GRK2: variants seen among roughly 807,000 people sequenced by gnomAD.
GRK2 encodes the protein adrenergic beta receptor kinase 1.
In GRK2, 23 loss-of-function variants were observed where a neutral mutation model predicts 97.8. That is an observed-to-expected ratio of 0.24 (90% confidence interval 0.17 to 0.33). GRK2 has a LOEUF of 0.33. Among genes scored for constraint, GRK2 ranks in the 10% least tolerant of loss-of-function variants. GRK2 has a pLI of 1.00. For synonymous variants in GRK2, 425 were observed against 381.7 expected (o/e 1.11, Z -1.32); for missense variants, 633 against 956.9 (o/e 0.66, Z 4.47).
chr11:67,283,122 C>T lies in GRK2; in HGVS notation c.1228-6C>T, dbSNP rs1290993913. ...GCCCCTGCTAATGTCCCACTCCTCT[C>T]TAAAGGCCGTGGAGCTGCCCGACTC... On this transcript the variant is annotated splice_polypyrimidine_tract_variant and splice_region_variant and intron_variant, in intron 14 of 20. Coordinates refer to ENST00000308595, the MANE Select transcript of GRK2 (RefSeq NM_001619.5). 1 of 1,613,592 alleles carries T rather than the reference C, an allele frequency of 6.2e-7. No homozygotes were observed. The highest frequency in any genetic ancestry group is 8.5e-7 in the Non-Finnish European group (1 of 1,179,802).
intron 6 of GRK2, 105 bp downstream of exon 6, chr11:67,280,005 C>A: frequency 8.2e-7 from 1 of 1,212,594 alleles, no homozygotes; most frequent in Non-Finnish European, 1.2e-6. Context: ...AGGCCCTGAG[C>A]AGGCAGGTGG....
Position 67,286,196 on chromosome 11 carries a change from C to T in GRK2, c.*746C>T. 1 of 548,648 alleles carries T rather than the reference C, an allele frequency of 1.8e-6. No individual in the cohort carries two copies. The highest frequency in any genetic ancestry group is 3.2e-6 in the Non-Finnish European group (1 of 312,944). The allele number at this position is 548,648 out of a possible 1,614,324, so 34.0% of individuals were successfully genotyped here. ...CGCCTGGCCTGAGGTCTCGCTGATG[C>T]TGGGCTGGGTGCGACCCCATCTGCC... On this transcript the variant is annotated 3_prime_UTR_variant, in exon 21 of 21. Coordinates refer to ENST00000308595, the MANE Select transcript of GRK2 (RefSeq NM_001619.5).
At chr11:67,284,512 T>C in intron 18 of GRK2, 139 bp downstream of exon 18, 1 of 1,056,470 alleles carries the variant, frequency 9.5e-7, no homozygotes, top group East Asian at 2.6e-5. Flanking sequence ...GGGCCGGGCA[T>C]GGTGGCTCAC....
In GRK2 at chr11:67,281,256, T is replaced by C; in HGVS notation, c.647+72T>C. ...CCTGGGGGACCCTGACAGGCCGGGT[T>C]CCACACAGGGCCACCTGCTGCTCCA... On this transcript the variant is annotated intron_variant, in intron 8 of 20. Transcript: ENST00000308595. The surrounding 1 kb of genome is among the most constrained non-coding windows in gnomAD (Gnocchi z 5.7). 1.4e-6 allele frequency: 2 copies of C among 1,395,472 alleles called. No individual in the cohort carries two copies. The highest frequency in any genetic ancestry group is 2.4e-5 in the South Asian group (2 of 82,100). The allele number at this position is 1,395,472 out of a possible 1,614,324, so 86.4% of individuals were successfully genotyped here. A position where few individuals can be genotyped will look rare whatever the true frequency, so the allele number is the denominator to read the frequency against.
At position 67,279,121 on chromosome 11, in the gene GRK2, G is replaced by C; in HGVS notation, c.191-79G>C. On this transcript the variant is annotated intron_variant, in intron 2 of 20. Coordinates refer to ENST00000308595, the MANE Select transcript of GRK2 (RefSeq NM_001619.5). ...CTCCATAGCCAGTTCTGCCCAGGGA[G>C]CCCAACCCACACCATCCACAATGAT... The C allele has an allele frequency of 2.3e-6, 3 of 1,289,780 alleles. No individual in the cohort carries two copies. The South Asian group carries it at 3.6e-5, about 15-fold the overall frequency. 79.9% of individuals were successfully genotyped at this position (1,289,780 alleles called of 1,614,324 possible).
chr11:67,281,547 G>A lies in GRK2; in HGVS notation c.736G>A (p.Val246Ile), dbSNP rs770458416. Reference protein sequence around the residue: ...ALNERIMLSLVSTGDCPFIVC... With the variant: ...ALNERIMLSLISTGDCPFIVC... ...GAACGAGCGCATCATGCTCTCGCTCGTCAGCACTGGGGTGAGCTGGGTGGG... is the reference window on the plus strand; with the variant it reads ...GAACGAGCGCATCATGCTCTCGCTCATCAGCACTGGGGTGAGCTGGGTGGG... The change falls in exon 9 of 21, where the codon GTC becomes ATC. Residue 246 changes from valine (V) to isoleucine (I), a missense_variant. Around this residue, in one of 4 missense-constraint regions of GRK2, gnomAD observed 192 missense variants for 362.3 expected, o/e 0.53. Transcript: ENST00000308595. The surrounding 1 kb of genome is among the most constrained non-coding windows in gnomAD (Gnocchi z 5.7). 2.7e-5 allele frequency: 44 copies of A among 1,613,402 alleles called. No individual in the cohort carries two copies. Among genetic ancestry groups the A allele is most frequent in the Middle Eastern group, 1.6e-4 (1 of 6,062 alleles).
rs776500543 is a variant in GRK2, at chr11:67,281,146, C to T, written c.609C>T (p.Gly203=). The T allele has an allele frequency of 7.4e-6, 12 of 1,613,324 alleles. No homozygotes were observed. Among genetic ancestry groups the T allele is most frequent in the Admixed American group, 1.7e-5 (1 of 59,976 alleles). ...VHRIIGRGGF[G]EVYGCRKADT... ...GCATCATTGGGCGCGGGGGCTTTGG[C>T]GAGGTCTATGGGTGCCGGAAGGCTG... is the stretch of plus-strand genomic sequence containing the variant. Residue 203 remains glycine (G), a synonymous_variant, in exon 8 of 21, where the codon GGC becomes GGT. Coordinates refer to ENST00000308595, the MANE Select transcript of GRK2 (RefSeq NM_001619.5). The surrounding 1 kb of genome is among the most constrained non-coding windows in gnomAD (Gnocchi z 5.7).
intron 6 of GRK2, 189 bp downstream of exon 6, chr11:67,280,089 C>T: frequency 1.6e-6 from 1 of 622,202 alleles, no homozygotes; most frequent in Non-Finnish European, 2.9e-6. Context: ...CCACCCTGCC[C>T]TCCTCAGCAC....
chr11:67,286,005 A>G lies in GRK2; in HGVS notation c.*555A>G, dbSNP rs1860273035. On this transcript the variant is annotated 3_prime_UTR_variant, in exon 21 of 21. Coordinates refer to ENST00000308595, the MANE Select transcript of GRK2 (RefSeq NM_001619.5). ...CTTATTCAGGAAAAGCCTCTGTGTC[A>G]CTGGCTGCCTCCACTCCCACTTCCC... The G allele has an allele frequency of 3.7e-6, 1 of 269,992 alleles. No individual in the cohort carries two copies. Among genetic ancestry groups the G allele is most frequent in the African/African-American group, 2.3e-5 (1 of 43,334 alleles). 16.7% of individuals were successfully genotyped at this position (269,992 alleles called of 1,614,324 possible). A position where few individuals can be genotyped will look rare whatever the true frequency, so the allele number is the denominator to read the frequency against.
intron 1 of GRK2, among the ~76,000 whole-genome samples, chr11:67,268,657 G>A (rs1054000548): frequency 1.1e-4 from 16 of 152,280 alleles, no homozygotes; most frequent in Admixed American, 2.6e-4. Flanking sequence ...ATGGGGCGCC[G>A]CCTTGGCTCT....
intron 15 of GRK2, 129 bp downstream of exon 15, chr11:67,283,357 C>G: frequency 1.2e-6 from 1 of 810,084 alleles, no homozygotes. Context: ...GGGGCATGGC[C>G]AGCCCTGTCC....
At position 67,285,185 on chromosome 11, in the gene GRK2, C is replaced by T. The variant is rs765999418; in HGVS notation, c.1902C>T (p.Cys634=). The change falls in exon 20 of 21, where the codon TGC becomes TGT. Residue 634 remains cysteine, a synonymous_variant. Coordinates refer to ENST00000308595, the MANE Select transcript of GRK2 (RefSeq NM_001619.5). ...GTGGGAAACAGTTCATTTTGCAGTG[C>T]GATGTGAGTGGGGGCTGAGCCAGGG... The part of the protein sequence containing the change: ...IRGGKQFILQ[C]DSDPELVQWK... The T allele has an allele frequency of 7.4e-6, 12 of 1,613,400 alleles. No homozygotes were observed. Among genetic ancestry groups the T allele is most frequent in the East Asian group, 2.2e-5 (1 of 44,878 alleles).
At chr11:67,275,521 C>T (rs1483385707) in intron 1 of GRK2, among the ~76,000 whole-genome samples, 1 of 146,134 alleles carries the variant, frequency 6.8e-6, no homozygotes, top group African/African-American at 2.5e-5. Context: ...GCCTGGGCTT[C>T]CTCCGCGTGG....
chr11:67,271,608 AT>A (rs1565062347), intron 1 of GRK2, among the ~76,000 whole-genome samples: 1 of 152,238 alleles, frequency 6.6e-6, no homozygotes, highest in African/African-American at 2.4e-5. Flanking sequence ...AAGCCGTGAC[AT>A]TTGACAAGGC....
rs1379764488 is a variant in GRK2 at position 67,281,655 on chromosome 11, C to T, written c.753C>T (p.Cys251=). The T allele has an allele frequency of 6.2e-7, 1 of 1,605,598 alleles. No individual in the cohort carries two copies. Among genetic ancestry groups the T allele is most frequent in the Middle Eastern group, 1.7e-4 (1 of 6,036 alleles). ...IMLSLVSTGD[C]PFIVCMSYAF... Reference sequence around the variant, plus strand: ...CCCCTCCTCTCCCCTCCTAGGACTGCCCATTCATTGTCTGCATGTCATACG... The same window carrying T: ...CCCCTCCTCTCCCCTCCTAGGACTGTCCATTCATTGTCTGCATGTCATACG... The change falls in exon 10 of 21, where the codon TGC becomes TGT. Residue 251 remains cysteine (C), a synonymous_variant. Coordinates refer to ENST00000308595, the MANE Select transcript of GRK2 (RefSeq NM_001619.5). This position sits in a 1 kb window ranked among gnomAD's most constrained non-coding sequence, Gnocchi z 5.7.
chr11:67,270,779 G>A (rs188719851), intron 1 of GRK2, among the ~76,000 whole-genome samples: 64 of 152,300 alleles, frequency 4.2e-4, no homozygotes, highest in African/African-American at 1.5e-3. Flanking sequence ...CAGAGCATGC[G>A]TTTCACTTAT....
At position 67,284,974 on chromosome 11, in the gene GRK2, C is replaced by T. The variant is rs777753774; in HGVS notation, c.1782C>T (p.Gly594=). ...FPNRLEWRGE[G]EAPQSLLTME... is the part of the protein sequence containing the mutation. ...ACCGCCTCGAGTGGCGGGGCGAGGG[C>T]GAGGCCCCGGTAAGGAGCCCGTGCG... The change falls in exon 19 of 21, where the codon GGC becomes GGT. Residue 594 remains glycine (G), a synonymous_variant. Coordinates refer to ENST00000308595, the MANE Select transcript of GRK2 (RefSeq NM_001619.5). 7.5e-6 allele frequency: 12 copies of T among 1,610,456 alleles called. No homozygotes were observed. Among genetic ancestry groups the T allele is most frequent in the East Asian group, 2.2e-5 (1 of 44,778 alleles).
In GRK2 at chr11:67,266,878, C is replaced by G. The variant is rs903736576; in HGVS notation, c.113+66C>G. ...GCGCCCCGGCCGCGGCCCCGAGACC[C>G]TGGCCCCATGCTCGACCCCGCGACC... On this transcript the variant is annotated intron_variant, in intron 1 of 20. Transcript: ENST00000308595. 3.8e-6 allele frequency: 3 copies of G among 781,180 alleles called. No homozygotes were observed. The African/African-American group carries it at 5.4e-5, about 14-fold the overall frequency. The allele number at this position is 781,180 out of a possible 1,614,324, so 48.4% of individuals were successfully genotyped here.
At chr11:67,283,487 A>G (rs994097429) in intron 15 of GRK2, 8 of 611,642 alleles carry the variant, frequency 1.3e-5, no homozygotes, top group Non-Finnish European at 2.3e-5. Context: ...ATGTTTATCA[A>G]ACATTTATTA....
Sources: allele counts gnomAD v4.1 joint callset (sites outside exome capture counted in the v4.1 genomes callset), GRCh38; gene constraint gnomAD v4.1.1; regional missense constraint gnomAD v4.1.1; non-coding constraint Gnocchi (gnomAD v3.1); transcripts MANE v1.5; gene names NCBI Gene and HGNC (gene_info 2026-07-23, HGNC 2026-07-21).